FHOD3: variants seen among roughly 807,000 people sequenced by gnomAD.
FHOD3 encodes FH1/FH2 domain-containing protein 3.
Under a neutral mutation model 173.0 loss-of-function variants are expected in FHOD3, and 90 were observed. The observed-to-expected ratio is 0.52, with a 90% confidence interval of 0.44 to 0.62. The LOEUF (loss-of-function observed/expected upper bound fraction) is 0.62, where lower values mean the gene tolerates loss of function less well. Ranked by LOEUF, FHOD3 falls within the 20% of genes least tolerant of loss-of-function variation. The pLI, the probability that FHOD3 is intolerant of heterozygous loss-of-function variation, is 0.00. For synonymous variants in FHOD3, 828 were observed against 823.0 expected, an observed-to-expected ratio of 1.01 and a Z score of -0.10; for missense variants, 1,945 against 2,034.7, an observed-to-expected ratio of 0.96 and a Z score of 0.85.
chr18:36,319,502 CTACAAAGAGAT>C (rs2044289219), intron 1 of FHOD3, among the ~76,000 whole-genome samples: 1 of 152,078 alleles, frequency 6.6e-6, no homozygotes. Context: ...TCTTAGAGAC[CTACAAAGAGAT>C]TTAGACTTTC....
chr18:36,570,226 A>T (rs545002763), intron 5 of FHOD3, among the ~76,000 whole-genome samples: 252 of 152,238 alleles, frequency 1.7e-3, no homozygotes, highest in African/African-American at 5.3e-3. Context: ...ACTTCAATGA[A>T]TTATGACAGA....
intron 4 of FHOD3, among the ~76,000 whole-genome samples, chr18:36,509,382 G>A (rs907063884): frequency 4.2e-5 from 6 of 144,072 alleles, no homozygotes; most frequent in Non-Finnish European, 4.4e-5. Flanking sequence ...AGTTGAGATC[G>A]CGCCACTGCA....
intron 14 of FHOD3, among the ~76,000 whole-genome samples, chr18:36,666,089 T>C (rs1011596153): frequency 3.3e-5 from 5 of 152,216 alleles, no homozygotes; most frequent in Non-Finnish European, 7.3e-5. Context: ...GGCTTCATGC[T>C]CTAGATATGA....
At chr18:36,345,733 G>A (rs2045848887) in intron 1 of FHOD3, among the ~76,000 whole-genome samples, 1 of 152,110 alleles carries the variant, frequency 6.6e-6, no homozygotes, top group Non-Finnish European at 1.5e-5. Context: ...CAAACACAGA[G>A]AATACAGAAG....
Position 36,405,184 on chromosome 18 carries a change from G to T in FHOD3, c.337+32440G>T, listed in dbSNP as rs73949477. Reference sequence around the variant, plus strand: ...ATGGACATGTGGCTGAAAGTTCAGGGTTAAATCCCTGTCTCTTCCATTTAG... The same window carrying T: ...ATGGACATGTGGCTGAAAGTTCAGGTTTAAATCCCTGTCTCTTCCATTTAG... On this transcript the variant is annotated intron_variant, in intron 3 of 28. Transcript: ENST00000590592. Among the ~76,000 whole-genome samples the T allele has an allele frequency of 4.1e-3, 620 of 152,282 alleles. 5 individuals carry two copies. The highest frequency in any genetic ancestry group is 0.014 in the African/African-American group (586 of 41,552).
intron 6 of FHOD3, among the ~76,000 whole-genome samples, chr18:36,587,313 A>T (rs1259801530): frequency 1.3e-5 from 2 of 152,202 alleles, no homozygotes; most frequent in Non-Finnish European, 1.5e-5. Flanking sequence ...TTCAGAGGCC[A>T]AGTGAGCGGC....
At chr18:36,653,489 C>A in intron 13 of FHOD3, 73 bp downstream of exon 13, 1 of 1,106,478 alleles carries the variant, frequency 9.0e-7, no homozygotes, top group Non-Finnish European at 1.3e-6. Flanking sequence ...TTTTTCTTTT[C>A]AAAGAATGCT....
At chr18:36,588,752 T>C (rs1021689563) in intron 6 of FHOD3, among the ~76,000 whole-genome samples, 1 of 152,266 alleles carries the variant, frequency 6.6e-6, no homozygotes. Context: ...ATTAAGAGAC[T>C]GTCTTTTTAT....
At chr18:36,319,681 T>C (rs2044295809) in intron 1 of FHOD3, among the ~76,000 whole-genome samples, 1 of 152,138 alleles carries the variant, frequency 6.6e-6, no homozygotes, top group African/African-American at 2.4e-5. Context: ...CAACAGAATA[T>C]ACATTCTTTT....
At chr18:36,662,667 A>G (rs551036043) in intron 14 of FHOD3, among the ~76,000 whole-genome samples, 115 of 152,302 alleles carry the variant, frequency 7.6e-4, no homozygotes, top group African/African-American at 2.6e-3. Context: ...GTAATAATGG[A>G]TAATAAGGGA....
intron 5 of FHOD3, among the ~76,000 whole-genome samples, chr18:36,570,987 C>T (rs1305485814): frequency 6.6e-6 from 1 of 151,986 alleles, no homozygotes; most frequent in Non-Finnish European, 1.5e-5. Context: ...CTCACCACGC[C>T]CATTGAATAT....
intron 1 of FHOD3, 85 bp from the exon 2 acceptor site, chr18:36,355,454 A>G (rs2046316614): frequency 1.8e-6 from 2 of 1,098,774 alleles, no homozygotes; most frequent in South Asian, 1.4e-5. Flanking sequence ...TTTACAAAAC[A>G]CAGGAGGGCA....
At chr18:36,302,229 T>A (rs1055139657) in intron 1 of FHOD3, among the ~76,000 whole-genome samples, 1 of 152,178 alleles carries the variant, frequency 6.6e-6, no homozygotes, top group African/African-American at 2.4e-5. Flanking sequence ...TGTACTGTGT[T>A]CATTCCTTTC....
intron 14 of FHOD3, among the ~76,000 whole-genome samples, chr18:36,660,209 C>T (rs532409949): frequency 6.6e-6 from 1 of 152,246 alleles, no homozygotes; most frequent in South Asian, 2.1e-4. Context: ...GTGGAAGTTG[C>T]AGTGAGCCGA....
At chr18:36,751,218 G>T (rs2042389825) in intron 24 of FHOD3, among the ~76,000 whole-genome samples, 4 of 152,104 alleles carry the variant, frequency 2.6e-5, no homozygotes. Context: ...TGTATTCCTA[G>T]GTATTTTATT....
At chr18:36,408,331 G>A (rs1413271522) in intron 3 of FHOD3, among the ~76,000 whole-genome samples, 3 of 152,230 alleles carry the variant, frequency 2.0e-5, no homozygotes, top group Non-Finnish European at 2.9e-5. Flanking sequence ...GTCTCAGTTA[G>A]TGGGGTGTGT....
At chr18:36,761,789 G>A (rs956187296) in intron 27 of FHOD3, among the ~76,000 whole-genome samples, 1 of 152,102 alleles carries the variant, frequency 6.6e-6, no homozygotes, top group African/African-American at 2.4e-5. Context: ...TTCTCTCGGT[G>A]TTTGCTTAGC....
intron 3 of FHOD3, among the ~76,000 whole-genome samples, chr18:36,484,741 C>T (rs974269343): frequency 6.6e-6 from 1 of 151,954 alleles, no homozygotes; most frequent in Non-Finnish European, 1.5e-5. Context: ...AGGAAAAGCT[C>T]CAGCCCCCCA....
At chr18:36,677,418 G>A (rs111344334) in intron 14 of FHOD3, among the ~76,000 whole-genome samples, 7,083 of 152,108 alleles carry the variant, frequency 0.047, 233 homozygotes, top group East Asian at 0.12. Context: ...CAAAGTGCTG[G>A]GATTACAGAC....
Sources: allele counts gnomAD v4.1 joint callset (sites outside exome capture counted in the v4.1 genomes callset), GRCh38; gene constraint gnomAD v4.1.1; transcripts MANE v1.5; gene names NCBI Gene and HGNC (gene_info 2026-07-23, HGNC 2026-07-21).